TP53INP2: variants seen among roughly 807,000 people sequenced by gnomAD.
The protein encoded by TP53INP2 is tumor protein p53 inducible nuclear protein 2.
A neutral mutation model predicts 17.1 loss-of-function variants in TP53INP2; 12 were observed. The ratio of observed to expected loss-of-function variants is 0.70; its 90% CI spans 0.45 to 1.14. The LOEUF (loss-of-function observed/expected upper bound fraction) is 1.14, where lower values mean the gene tolerates loss of function less well. Ranked by LOEUF, TP53INP2 falls within the 50% of genes most tolerant of loss-of-function variation. The probability of loss-of-function intolerance (pLI) is 0.00; values close to 1 mark genes in which losing one functional copy is unlikely to be tolerated. For missense variants in TP53INP2, 342 were observed against 330.9 expected, an observed-to-expected ratio of 1.03 and a Z score of -0.26; for synonymous variants, 145 against 147.3, an observed-to-expected ratio of 0.98 and a Z score of 0.12.
In TP53INP2 at chr20:34,709,790, G is replaced by T. The variant is rs1367031677; in HGVS notation, c.413+266G>T. 1.3e-5 allele frequency among the ~76,000 whole-genome samples: 2 copies of T among 152,164 alleles called. No homozygotes were observed. The highest frequency in any genetic ancestry group is 2.9e-5 in the Non-Finnish European group (2 of 68,018). ...GGCCGGGGTTGGAGGCTTGAGGAGC[G>T]TGGCTGGAGCGCCTAGGGAGTGGGA... On this transcript the variant is annotated intron_variant, in intron 4 of 4. Transcript: ENST00000374810. This position sits in a 1 kb window ranked among gnomAD's most constrained non-coding sequence, Gnocchi z 5.4.
intron 2 of TP53INP2, 113 bp from the exon 3 acceptor site, chr20:34,708,578 G>T: frequency 3.4e-6 from 2 of 594,266 alleles, no homozygotes; most frequent in Non-Finnish European, 5.8e-6. Context: ...ACACATCCCC[G>T]TTGTGTGTAC....
At chr20:34,705,887 G>A (rs1987996291) in intron 2 of TP53INP2, among the ~76,000 whole-genome samples, 1 of 152,144 alleles carries the variant, frequency 6.6e-6, no homozygotes, top group East Asian at 1.9e-4. Flanking sequence ...AAGCTGGCAG[G>A]GCTGGGAAAG....
intron 2 of TP53INP2, among the ~76,000 whole-genome samples, chr20:34,706,767 C>T (rs1247453032): frequency 6.6e-6 from 1 of 152,174 alleles, no homozygotes; most frequent in Non-Finnish European, 1.5e-5. Flanking sequence ...GGCAATACTG[C>T]AGGTGGATTA....
chr20:34,708,981 G>A (rs997775165), intron 3 of TP53INP2, 118 bp downstream of exon 3: 11 of 1,466,458 alleles, frequency 7.5e-6, no homozygotes, highest in African/African-American at 5.6e-5. Flanking sequence ...ACTGGAGGTG[G>A]GGTCACGGGG....
chr20:34,709,848 TG>T lies in TP53INP2; in HGVS notation c.414-205del, dbSNP rs1435959294. On this transcript the variant is annotated intron_variant, in intron 4 of 4. Transcript: ENST00000374810. The surrounding 1 kb of genome is among the most constrained non-coding windows in gnomAD (Gnocchi z 5.4). ...AGAAAGGCAAGGGTGGAATAGGGGG[TG>T]GGGGTCCAGTCTCCCCCGAGGTCCA... Among the ~76,000 whole-genome samples, 7 of 150,486 alleles carry T rather than the reference TG, an allele frequency of 4.7e-5. No individual in the cohort carries two copies. Among genetic ancestry groups the T allele is most frequent in the African/African-American group, 7.4e-5 (3 of 40,738 alleles).
chr20:34,709,496 G>T lies in TP53INP2; in HGVS notation c.385G>T (p.Ala129Ser), dbSNP rs1568685174. The change falls in exon 4 of 5, where the codon GCC becomes TCC. Residue 129 changes from alanine to serine, a missense_variant. By Grantham distance (99) the Ala-to-Ser change is moderately conservative. Transcript: ENST00000374810. This position sits in a 1 kb window ranked among gnomAD's most constrained non-coding sequence, Gnocchi z 5.4. ...PGSPSPLPDA[A>S]LPDGDLSEGE... Reference sequence around the variant, plus strand: ...GTCCCCTTCCCCGCTCCCGGACGCGGCCCTGCCTGACGGCGACCTCAGCGA... The same window carrying T: ...GTCCCCTTCCCCGCTCCCGGACGCGTCCCTGCCTGACGGCGACCTCAGCGA... 1.9e-6 allele frequency: 3 copies of T among 1,610,602 alleles called. No individual in the cohort carries two copies.
In TP53INP2 at chr20:34,713,187, T is replaced by G. The variant is rs1280796270; in HGVS notation, c.*2880T>G. 1 of 152,660 alleles carries G rather than the reference T, an allele frequency of 6.6e-6. No individual in the cohort carries two copies. The highest frequency in any genetic ancestry group is 1.5e-5 in the Non-Finnish European group (1 of 68,058). The allele number at this position is 152,660 out of a possible 1,614,324, so 9.5% of individuals were successfully genotyped here. ...CTACTTTCCCTCTCGCCCTGCCACCTAGTTCCACATGGAACCAACAAGTTG... is the reference window on the plus strand; with the variant it reads ...CTACTTTCCCTCTCGCCCTGCCACCGAGTTCCACATGGAACCAACAAGTTG... On this transcript the variant is annotated 3_prime_UTR_variant, in exon 5 of 5. Transcript: ENST00000374810.
rs1369674272 is a variant in TP53INP2 at position 34,710,158 on chromosome 20, C to T, written c.514C>T (p.Leu172=). 1.1e-5 allele frequency: 14 copies of T among 1,287,290 alleles called. No homozygotes were observed. Among genetic ancestry groups the T allele is most frequent in the Non-Finnish European group, 8.9e-6 (9 of 1,013,776 alleles). The allele number at this position is 1,287,290 out of a possible 1,614,324, so 79.7% of individuals were successfully genotyped here. The change falls in exon 5 of 5, where the codon CTG becomes TTG. Residue 172 remains leucine, a synonymous_variant. Coordinates refer to ENST00000374810, the MANE Select transcript of TP53INP2 (RefSeq NM_021202.3). This position sits in a 1 kb window ranked among gnomAD's most constrained non-coding sequence, Gnocchi z 4.9. The part of the protein sequence containing the change: ...LLEKAGQVRR[L]QRARQRAERH... Reference sequence around the variant, plus strand: ...GGAGAAGGCGGGCCAGGTGCGGCGGCTGCAGCGGGCCCGGCAGCGGGCAGA... The same window carrying T: ...GGAGAAGGCGGGCCAGGTGCGGCGGTTGCAGCGGGCCCGGCAGCGGGCAGA...
In TP53INP2 at chr20:34,708,858, T is replaced by G. The variant is rs779121164; in HGVS notation, c.119T>G (p.Leu40Arg). Reference protein sequence around the residue: ...DEVDGWLIIDLPDSYAAPPSP... With the variant: ...DEVDGWLIIDRPDSYAAPPSP... ...GTGGACGGCTGGCTCATCATTGACCTGCCGGGTGAGGCCTGGGTCTGTCTC... is the reference window on the plus strand; with the variant it reads ...GTGGACGGCTGGCTCATCATTGACCGGCCGGGTGAGGCCTGGGTCTGTCTC... The change falls in exon 3 of 5, where the codon CTG becomes CGG. Residue 40 changes from leucine (L) to arginine (R), a missense_variant. Physicochemically the swap from Leu to Arg is moderately radical, Grantham distance 102. Transcript: ENST00000374810. The G allele has an allele frequency of 7.4e-6, 12 of 1,613,106 alleles. No homozygotes were observed. In the South Asian group the frequency reaches 1.2e-4, roughly 16 times the overall value.
At position 34,709,181 on chromosome 20, in the gene TP53INP2, GT is replaced by G; in HGVS notation, c.125-54del. 4.7e-6 allele frequency: 7 copies of G among 1,495,130 alleles called. No individual in the cohort carries two copies. Among genetic ancestry groups the G allele is most frequent in the Non-Finnish European group, 6.2e-6 (7 of 1,122,214 alleles). The allele number at this position is 1,495,130 out of a possible 1,614,324, so 92.6% of individuals were successfully genotyped here. On this transcript the variant is annotated intron_variant, in intron 3 of 4. Coordinates refer to ENST00000374810, the MANE Select transcript of TP53INP2 (RefSeq NM_021202.3). This position sits in a 1 kb window ranked among gnomAD's most constrained non-coding sequence, Gnocchi z 5.4. ...GTCCGGTGTGTGTGTGTGTGTGTGT[GT>G]GTGCCTCCTCGCTGCTCCCCTCCTC...
chr20:34,710,640 A>G lies in TP53INP2; in HGVS notation c.*333A>G. 1 of 237,630 alleles carries G rather than the reference A, an allele frequency of 4.2e-6. No individual in the cohort carries two copies. Among genetic ancestry groups the G allele is most frequent in the Non-Finnish European group, 8.1e-6 (1 of 123,428 alleles). 14.7% of individuals were successfully genotyped at this position (237,630 alleles called of 1,614,324 possible). The stretch of plus-strand genomic sequence containing the variant: ...AGTCCTCTACCTCTGGCCTGCCCCT[A>G]TTTCTGAAAGCTTCTTCCAGTCCCT... On this transcript the variant is annotated 3_prime_UTR_variant, in exon 5 of 5. Coordinates refer to ENST00000374810, the MANE Select transcript of TP53INP2 (RefSeq NM_021202.3). This position sits in a 1 kb window ranked among gnomAD's most constrained non-coding sequence, Gnocchi z 4.9.
chr20:34,706,230 C>A (rs1436471760), intron 2 of TP53INP2, among the ~76,000 whole-genome samples: 1 of 152,158 alleles, frequency 6.6e-6, no homozygotes, highest in African/African-American at 2.4e-5. Flanking sequence ...TTTGCTGAGT[C>A]TTTCCTGACT....
At position 34,708,777 on chromosome 20, in the gene TP53INP2, C is replaced by A. The variant is rs1988060956; in HGVS notation, c.38C>A (p.Pro13His). The A allele has an allele frequency of 6.2e-7, 1 of 1,602,118 alleles. No homozygotes were observed. Among genetic ancestry groups the A allele is most frequent in the Admixed American group, 1.7e-5 (1 of 58,082 alleles). The change falls in exon 3 of 5, where the codon CCC becomes CAC. Residue 13 changes from proline to histidine, a missense_variant. By Grantham distance (77) the Pro-to-His change is moderately conservative. Coordinates refer to ENST00000374810, the MANE Select transcript of TP53INP2 (RefSeq NM_021202.3). ...QRLSSLFFST[P>H]SPPEDPDCPR... is the part of the protein sequence containing the mutation. Reference sequence around the variant, plus strand: ...CTCTCCAGCCTCTTCTTCAGCACCCCCTCGCCCCCCGAAGACCCCGACTGC... The same window carrying A: ...CTCTCCAGCCTCTTCTTCAGCACCCACTCGCCCCCCGAAGACCCCGACTGC...
chr20:34,709,347 T>C lies in TP53INP2; in HGVS notation c.236T>C (p.Phe79Ser). The C allele has an allele frequency of 6.2e-7, 1 of 1,613,582 alleles. No homozygotes were observed. Reference protein sequence around the residue: ...ESWFVTPPACFTAEGPGLGPA... With the variant: ...ESWFVTPPACSTAEGPGLGPA... ...TGGTTTGTTACCCCTCCCGCCTGTTTTACGGCAGAGGGGCCTGGACTCGGT... is the reference window on the plus strand; with the variant it reads ...TGGTTTGTTACCCCTCCCGCCTGTTCTACGGCAGAGGGGCCTGGACTCGGT... Residue 79 changes from phenylalanine to serine, a missense_variant, in exon 4 of 5, where the codon TTT becomes TCT. Physicochemically the swap from Phe to Ser is radical, Grantham distance 155 (BLOSUM62 -2). Transcript: ENST00000374810. The surrounding 1 kb of genome is among the most constrained non-coding windows in gnomAD (Gnocchi z 5.4).
At position 34,710,093 on chromosome 20, in the gene TP53INP2, C is replaced by A; in HGVS notation, c.449C>A (p.Ala150Glu). ...CCCGCCCGCCGCGAGCCGCGGGCCGCGCGCCACGCCGCTCCTCTCCCAGCG... is the reference window on the plus strand; with the variant it reads ...CCCGCCCGCCGCGAGCCGCGGGCCGAGCGCCACGCCGCTCCTCTCCCAGCG... Reference protein sequence around the residue: ...LTPARREPRAARHAAPLPARA... With the variant: ...LTPARREPRAERHAAPLPARA... The change falls in exon 5 of 5, where the codon GCG becomes GAG. Residue 150 changes from alanine (A) to glutamate (E), a missense_variant. Ala to Glu is a moderately radical substitution (Grantham distance 107). Coordinates refer to ENST00000374810, the MANE Select transcript of TP53INP2 (RefSeq NM_021202.3). This position sits in a 1 kb window ranked among gnomAD's most constrained non-coding sequence, Gnocchi z 4.9. 7.9e-7 allele frequency: 1 copy of A among 1,272,782 alleles called. No individual in the cohort carries two copies. 78.8% of individuals were successfully genotyped at this position (1,272,782 alleles called of 1,614,324 possible).
At chr20:34,707,784 A>AT (rs1988034350) in intron 2 of TP53INP2, among the ~76,000 whole-genome samples, 1 of 152,236 alleles carries the variant, frequency 6.6e-6, no homozygotes, top group Non-Finnish European at 1.5e-5. Flanking sequence ...TGCCTGGAAC[A>AT]TAAATGTTAG....
At position 34,709,387 on chromosome 20, in the gene TP53INP2, G is replaced by C; in HGVS notation, c.276G>C (p.Gln92His). ...CTGGACTCGGTCCCGCCCGCCTCCA[G>C]AGCAGTCCCCTGGAGGACCTCCTCA... ...EGPGLGPARL[Q>H]SSPLEDLLIE... Residue 92 changes from glutamine (Q) to histidine (H), a missense_variant, in exon 4 of 5, where the codon CAG (glutamine) becomes CAC (histidine). Transcript: ENST00000374810. This position sits in a 1 kb window ranked among gnomAD's most constrained non-coding sequence, Gnocchi z 5.4. The C allele has an allele frequency of 6.2e-7, 1 of 1,613,878 alleles. No homozygotes were observed.
At position 34,709,522 on chromosome 20, in the gene TP53INP2, A is replaced by G. The variant is rs770504832; in HGVS notation, c.411A>G (p.Glu137=). ...DAALPDGDLS[E]GELTPARREP... is the part of the protein sequence containing the mutation. ...CCCTGCCTGACGGCGACCTCAGCGA[A>G]GGGTGAGCGGGCCGGGGGCGGAGCC... Residue 137 remains glutamate, a splice_region_variant and synonymous_variant, in exon 4 of 5, where the codon GAA becomes GAG. Transcript: ENST00000374810. This position sits in a 1 kb window ranked among gnomAD's most constrained non-coding sequence, Gnocchi z 5.4. 5.6e-6 allele frequency: 9 copies of G among 1,605,458 alleles called. No individual in the cohort carries two copies. The highest frequency in any genetic ancestry group is 1.7e-6 in the Non-Finnish European group (2 of 1,179,170).
rs1313269435 is a variant in TP53INP2 at position 34,713,398 on chromosome 20, AAT to A, written c.*3095_*3096del. ...TATTCCTCTATGGGAGAAAAAAATTAATATAAAGAAAAACAAATAAAAATATA... is the reference window on the plus strand; with the variant it reads ...TATTCCTCTATGGGAGAAAAAAATTAATAAAGAAAAACAAATAAAAATATA... On this transcript the variant is annotated 3_prime_UTR_variant, in exon 5 of 5. Coordinates refer to ENST00000374810, the MANE Select transcript of TP53INP2 (RefSeq NM_021202.3). 2 of 152,654 alleles carry A rather than the reference AAT, an allele frequency of 1.3e-5. No homozygotes were observed. Among genetic ancestry groups the A allele is most frequent in the East Asian group, 3.8e-4 (2 of 5,202 alleles). The allele number at this position is 152,654 out of a possible 1,614,324, so 9.5% of individuals were successfully genotyped here. A position where few individuals can be genotyped will look rare whatever the true frequency, so the allele number is the denominator to read the frequency against.
Sources: gnomAD v4.1 joint callset for allele counts (sites outside exome capture counted in the v4.1 genomes callset) on GRCh38, gnomAD v4.1.1 for gene constraint, Gnocchi (gnomAD v3.1) non-coding constraint, MANE v1.5 for transcripts, NCBI Gene and HGNC (gene_info 2026-07-23, HGNC 2026-07-21) for gene names.